TNR: variants seen among roughly 807,000 people sequenced by gnomAD.
The protein encoded by TNR is tenascin R, also known as tenascin-R.
TNR carries 45 observed loss-of-function variants against 150.4 expected under a neutral mutation model. The observed-to-expected ratio is 0.30, with a 90% CI of 0.24 to 0.38. The LOEUF is 0.38. Ranked by LOEUF, TNR falls within the 10% of genes least tolerant of loss-of-function variation. The probability of loss-of-function intolerance (pLI) is 1.00; values close to 1 mark genes in which losing one functional copy is unlikely to be tolerated. For missense variants in TNR, 1,544 were observed against 1,759.1 expected, an observed-to-expected ratio of 0.88 and a Z score of 2.19; for synonymous variants, 687 against 678.4, an observed-to-expected ratio of 1.01 and a Z score of -0.20.
chr1:175,470,213 G>T (rs1216817901), intron 2 of TNR, among the ~76,000 whole-genome samples: 1 of 152,186 alleles, frequency 6.6e-6, no homozygotes, highest in Non-Finnish European at 1.5e-5. Flanking sequence ...AGACTTACAA[G>T]CTGCCAGTGT....
Position 175,453,559 on chromosome 1 carries a change from TTTA to T in TNR, c.-63-46785_-63-46783del, listed in dbSNP as rs985663676. Among the ~76,000 whole-genome samples the T allele has an allele frequency of 8.5e-5, 13 of 152,056 alleles. No individual in the cohort carries two copies. In the East Asian group the frequency reaches 1.5e-3, roughly 18 times the overall value. The stretch of plus-strand genomic sequence containing the variant: ...TAAACTTTAATTATTTATTTATTAT[TTTA>T]TTATTATTATTTTTCAGAGACAAGG... On this transcript the variant is annotated intron_variant, in intron 2 of 22. Coordinates refer to ENST00000367674, the MANE Select transcript of TNR (RefSeq NM_003285.3).
chr1:175,618,821 A>C (rs1440362798), intron 1 of TNR, among the ~76,000 whole-genome samples: 1 of 152,212 alleles, frequency 6.6e-6, no homozygotes, highest in Non-Finnish European at 1.5e-5. Context: ...TGGAGCTTCT[A>C]CTTTAGGCAA....
At chr1:175,687,830 C>A in intron 1 of TNR, among the ~76,000 whole-genome samples, 1 of 152,078 alleles carries the variant, frequency 6.6e-6, no homozygotes, top group Admixed American at 6.5e-5. Flanking sequence ...CCCAGCCCTC[C>A]CTATCTTCTG....
At chr1:175,515,233 T>C (rs1659352171) in intron 2 of TNR, among the ~76,000 whole-genome samples, 1 of 152,220 alleles carries the variant, frequency 6.6e-6, no homozygotes, top group South Asian at 2.1e-4. Flanking sequence ...GCATCTACCC[T>C]ATGCCCAGCC....
At chr1:175,682,303 T>G (rs377664745) in intron 1 of TNR, among the ~76,000 whole-genome samples, 3 of 152,292 alleles carry the variant, frequency 2.0e-5, no homozygotes, top group East Asian at 3.9e-4. Flanking sequence ...GGTGCTTACA[T>G]GCATAAGCTC....
chr1:175,396,144 G>A (rs182881893), intron 5 of TNR, among the ~76,000 whole-genome samples: 8 of 152,294 alleles, frequency 5.3e-5, no homozygotes, highest in East Asian at 1.9e-4. Flanking sequence ...ACTTATGGTC[G>A]AGAACACACC....
rs185732343 is a variant in TNR, at chr1:175,399,424, A to T, written c.977-2617T>A. 3.8e-3 allele frequency among the ~76,000 whole-genome samples: 578 copies of T among 152,360 alleles called. 1 individual carries two copies. Among genetic ancestry groups the T allele is most frequent in the Non-Finnish European group, 5.2e-3 (356 of 68,038 alleles). ...AAAAAAGAGGTGCAGAAGGATTTTT[A>T]AAAAAATCTTGGCAACTTAGCTTGA... is the stretch of plus-strand genomic sequence containing the variant. On this transcript the variant is annotated intron_variant, in intron 4 of 22. Coordinates refer to ENST00000367674, the MANE Select transcript of TNR (RefSeq NM_003285.3).
intron 1 of TNR, among the ~76,000 whole-genome samples, chr1:175,573,250 C>T (rs1168950078): frequency 6.6e-6 from 1 of 152,224 alleles, no homozygotes; most frequent in African/African-American, 2.4e-5. Context: ...TCACCTGCAA[C>T]CTGCCTTCTG....
chr1:175,375,159 T>C (rs1652315821), intron 9 of TNR, among the ~76,000 whole-genome samples: 1 of 134,370 alleles, frequency 7.4e-6, no homozygotes, highest in South Asian at 2.5e-4. Context: ...CCACTTGGAG[T>C]TTTCTAAATG....
At chr1:175,491,810 C>T (rs746507307) in intron 2 of TNR, among the ~76,000 whole-genome samples, 16 of 152,098 alleles carry the variant, frequency 1.1e-4, no homozygotes, top group East Asian at 3.9e-4. Flanking sequence ...CCACCACACC[C>T]GGCTAATTTT....
At chr1:175,506,277 A>G (rs1392350498) in intron 2 of TNR, among the ~76,000 whole-genome samples, 2 of 152,236 alleles carry the variant, frequency 1.3e-5, no homozygotes, top group Non-Finnish European at 2.9e-5. Context: ...TTTGTTCAGA[A>G]ACAATGTGTT....
intron 1 of TNR, among the ~76,000 whole-genome samples, chr1:175,548,229 A>G (rs1391287768): frequency 1.3e-5 from 2 of 152,140 alleles, no homozygotes; most frequent in South Asian, 2.1e-4. Context: ...CCATGTCTAC[A>G]GTTTTAGAAC....
At chr1:175,492,127 A>G (rs1325764668) in intron 2 of TNR, among the ~76,000 whole-genome samples, 1 of 152,222 alleles carries the variant, frequency 6.6e-6, no homozygotes. Context: ...TGCTCAATGA[A>G]CAAACAGATT....
chr1:175,677,107 T>C (rs2101907321), intron 1 of TNR, among the ~76,000 whole-genome samples: 1 of 152,318 alleles, frequency 6.6e-6, no homozygotes, highest in Non-Finnish European at 1.5e-5. Context: ...TACTGTTCAT[T>C]GGCAAGAAGT....
chr1:175,362,589 T>C (rs1005314860), intron 14 of TNR, 74 bp downstream of exon 14: 2 of 1,562,698 alleles, frequency 1.3e-6, no homozygotes, highest in African/African-American at 2.7e-5. Flanking sequence ...CCAGAACCTT[T>C]CTACAAGCCC....
chr1:175,598,740 C>T (rs1014470006), intron 1 of TNR, among the ~76,000 whole-genome samples: 1 of 152,168 alleles, frequency 6.6e-6, no homozygotes, highest in Non-Finnish European at 1.5e-5. Context: ...GACCCTGCTC[C>T]AGAGACTTTA....
rs992857932 is a variant in TNR at position 175,365,966 on chromosome 1, T to C, written c.2226A>G (p.Thr742=). ...VPKDRTSYTL[T]DLEPGAEYII... The stretch of plus-strand genomic sequence containing the variant: ...TGTACTCTGCCCCAGGCTCTAGATC[T>C]GTTAGTGTGTATGAGGTCCTGTCCT... Residue 742 remains threonine (T), a synonymous_variant, in exon 11 of 23, where the codon ACA becomes ACG. Coordinates refer to ENST00000367674, the MANE Select transcript of TNR (RefSeq NM_003285.3). 4 of 1,614,114 alleles carry C rather than the reference T, an allele frequency of 2.5e-6. No homozygotes were observed. The highest frequency in any genetic ancestry group is 1.3e-5 in the African/African-American group (1 of 75,026).
At chr1:175,471,059 C>T (rs1657264992) in intron 2 of TNR, among the ~76,000 whole-genome samples, 1 of 152,214 alleles carries the variant, frequency 6.6e-6, no homozygotes, top group South Asian at 2.1e-4. Context: ...ACAGGAGGCT[C>T]ACTGCTTTTG....
intron 9 of TNR, among the ~76,000 whole-genome samples, chr1:175,373,809 C>A (rs1652237953): frequency 6.6e-6 from 1 of 152,164 alleles, no homozygotes; most frequent in East Asian, 1.9e-4. Flanking sequence ...TTATCCCCAG[C>A]CTTTAAGACA....
Sources: gnomAD v4.1 joint callset for allele counts (sites outside exome capture counted in the v4.1 genomes callset) on GRCh38, gnomAD v4.1.1 for gene constraint, MANE v1.5 for transcripts, NCBI Gene and HGNC (gene_info 2026-07-23, HGNC 2026-07-21) for gene names.